The following DYNC2H1 variants were observed in gnomAD, a reference collection of about 807,000 sequenced individuals.
DYNC2H1 encodes the protein dynein cytoplasmic 2 heavy chain 1, also known as cytoplasmic dynein 2 heavy chain 1.
DYNC2H1 carries 410 observed loss-of-function variants against 570.0 expected under a neutral mutation model. The ratio of observed to expected loss-of-function variants is 0.72; its 90% CI spans 0.66 to 0.78. DYNC2H1 has a LOEUF of 0.78. Among genes scored for constraint, DYNC2H1 ranks in the 30% least tolerant of loss-of-function variants. DYNC2H1 has a pLI of 0.00. For synonymous variants in DYNC2H1, 1,688 were observed against 1,677.6 expected, an observed-to-expected ratio of 1.01 and a Z score of -0.15; for missense variants, 4,865 against 5,046.4, an observed-to-expected ratio of 0.96 and a Z score of 1.09.
intron 12 of DYNC2H1, among the ~76,000 whole-genome samples, chr11:103,128,370 A>G (rs1007654625): frequency 2.0e-5 from 3 of 152,184 alleles, no homozygotes; most frequent in Non-Finnish European, 4.4e-5. Context: ...CCTTGCCAAG[A>G]GAGGAGAGTG....
At position 103,234,016 on chromosome 11, in the gene DYNC2H1, AT is replaced by A. The variant is rs1346426915; in HGVS notation, c.9441-14del. On this transcript the variant is annotated splice_polypyrimidine_tract_variant and intron_variant, in intron 60 of 88. Transcript: ENST00000375735. ...CCAAATCCTTTTTGCTTTTAATTAA[AT>A]TTTAATGTTTACATAGATTTCAGAG... The A allele has an allele frequency of 6.5e-7, 1 of 1,543,944 alleles. No homozygotes were observed.
At chr11:103,451,477 C>T (rs1198512300) in intron 85 of DYNC2H1, among the ~76,000 whole-genome samples, 2 of 151,766 alleles carry the variant, frequency 1.3e-5, no homozygotes, top group African/African-American at 2.4e-5. Flanking sequence ...GGGCTACAGG[C>T]GCGTGCCACC....
At chr11:103,208,040 A>C (rs1174656391) in intron 52 of DYNC2H1, among the ~76,000 whole-genome samples, 1 of 152,086 alleles carries the variant, frequency 6.6e-6, no homozygotes, top group African/African-American at 2.4e-5. Context: ...CTGGGAAGAC[A>C]GGAATATAGT....
chr11:103,328,950 G>A (rs368294744), intron 82 of DYNC2H1, among the ~76,000 whole-genome samples: 35 of 152,220 alleles, frequency 2.3e-4, no homozygotes, highest in African/African-American at 6.5e-4. Context: ...ATGTTAGTTC[G>A]AATTGCCCAT....
At chr11:103,131,363 G>C (rs916934736) in intron 13 of DYNC2H1, among the ~76,000 whole-genome samples, 1 of 151,694 alleles carries the variant, frequency 6.6e-6, no homozygotes, top group African/African-American at 2.4e-5. Context: ...TCGCAATCTC[G>C]GCTCACTGCA....
chr11:103,114,507 A>G (rs1240251184), intron 3 of DYNC2H1, among the ~76,000 whole-genome samples: 1 of 152,120 alleles, frequency 6.6e-6, no homozygotes, highest in Non-Finnish European at 1.5e-5. Context: ...TCTTGTAGAG[A>G]TGGGGTCTTG....
chr11:103,194,826 T>C (rs1367572649), intron 47 of DYNC2H1, among the ~76,000 whole-genome samples: 2 of 152,196 alleles, frequency 1.3e-5, no homozygotes. Context: ...CAAGTGATTC[T>C]TCTGCCTCAG....
chr11:103,167,993 A>C (rs1861400985), intron 31 of DYNC2H1, among the ~76,000 whole-genome samples: 1 of 152,152 alleles, frequency 6.6e-6, no homozygotes, highest in Non-Finnish European at 1.5e-5. Context: ...TTCCTAAAGA[A>C]GTTTATGGGG....
intron 83 of DYNC2H1, among the ~76,000 whole-genome samples, chr11:103,386,471 A>G (rs1360450923): frequency 7.4e-6 from 1 of 134,806 alleles, no homozygotes; most frequent in South Asian, 2.4e-4. Flanking sequence ...CACACACAAA[A>G]GTATTTTGGG....
chr11:103,169,337 A>T (rs1350890913), intron 32 of DYNC2H1, among the ~76,000 whole-genome samples: 1 of 152,184 alleles, frequency 6.6e-6, no homozygotes, highest in African/African-American at 2.4e-5. Flanking sequence ...TAAATATGCT[A>T]AAATGTTTGC....
intron 88 of DYNC2H1, among the ~76,000 whole-genome samples, chr11:103,476,896 A>C (rs1297971678): frequency 1.3e-5 from 2 of 152,186 alleles, no homozygotes; most frequent in African/African-American, 4.8e-5. Context: ...CATTTAAGAG[A>C]TGTAGTAGCT....
chr11:103,413,628 T>TATC (rs775217470), intron 84 of DYNC2H1, among the ~76,000 whole-genome samples: 12 of 152,312 alleles, frequency 7.9e-5, no homozygotes, highest in Non-Finnish European at 1.6e-4. Context: ...AAGATGCAGT[T>TATC]ATCAGCTTTG....
rs17302099 is a variant in DYNC2H1, at chr11:103,181,471, T to G, written c.6348-286T>G. On this transcript the variant is annotated intron_variant, in intron 39 of 88. Coordinates refer to ENST00000375735, the MANE Select transcript of DYNC2H1 (RefSeq NM_001377.3). This position sits in a 1 kb window ranked among gnomAD's most constrained non-coding sequence, Gnocchi z 5.0. ...AGATATATAATTCTCGTTTAGTTTA[T>G]ATTTATAATAAAATAGATGAAATGT... Among the ~76,000 whole-genome samples, 13,392 of 151,558 alleles carry G rather than the reference T, an allele frequency of 0.088. 786 individuals are homozygous for G. The highest frequency in any genetic ancestry group is 0.12 in the Non-Finnish European group (8,082 of 67,570).
Position 103,177,760 on chromosome 11 carries a change from A to T in DYNC2H1, c.6079A>T (p.Arg2027Ter). The change falls in exon 38 of 89, where the codon AGA becomes TGA. Residue 2027 changes from arginine (R) to a stop codon, truncating the protein, a stop_gained. Transcript: ENST00000375735. LOFTEE classifies it high-confidence loss of function. This position sits in a 1 kb window ranked among gnomAD's most constrained non-coding sequence, Gnocchi z 4.4. ...ATTAGGCCATATTGACATGGACACA[A>T]GAGAATGGTCTGATGGTGTTTTGAC... is the stretch of plus-strand genomic sequence containing the variant. ...QLLGHIDMDT[R>*]EWSDGVLTNS... The T allele has an allele frequency of 6.2e-7, 1 of 1,613,332 alleles. No homozygotes were observed. Among genetic ancestry groups the T allele is most frequent in the Non-Finnish European group, 8.5e-7 (1 of 1,179,594 alleles).
rs61565760 is a variant in DYNC2H1, at chr11:103,446,037, T to TTTGTTG, written c.12457-9122_12457-9117dup. On this transcript the variant is annotated intron_variant, in intron 85 of 88. Coordinates refer to ENST00000375735, the MANE Select transcript of DYNC2H1 (RefSeq NM_001377.3). This position sits in a 1 kb window ranked among gnomAD's most constrained non-coding sequence, Gnocchi z 4.5. ...TGACAATATGGTAATAGAGCAGAGT[T>TTTGTTG]TTGTTGTTGTTGTTGTTGTTGTTGT... 9.9e-3 allele frequency among the ~76,000 whole-genome samples: 1,495 copies of TTTGTTG among 150,568 alleles called. 20 individuals carry two copies. Among genetic ancestry groups the TTTGTTG allele is most frequent in the Middle Eastern group, 0.031 (9 of 292 alleles).
At chr11:103,337,149 G>T (rs1939180794) in intron 82 of DYNC2H1, among the ~76,000 whole-genome samples, 1 of 152,204 alleles carries the variant, frequency 6.6e-6, no homozygotes, top group Non-Finnish European at 1.5e-5. Context: ...TTCTGCTGCA[G>T]ATAACTAGCC....
chr11:103,241,579 C>T lies in DYNC2H1; in HGVS notation c.9820-2114C>T. 1.3e-6 allele frequency: 2 copies of T among 1,534,280 alleles called. No individual in the cohort carries two copies. Among genetic ancestry groups the T allele is most frequent in the East Asian group, 2.3e-5 (1 of 43,654 alleles). ...ACTTTTTAAAAATTTAAAATAATTACTTTTGTAGTTAGGCAAAATGCAGAA... is the reference window on the plus strand; with the variant it reads ...ACTTTTTAAAAATTTAAAATAATTATTTTTGTAGTTAGGCAAAATGCAGAA... On this transcript the variant is annotated intron_variant, in intron 63 of 88. Transcript: ENST00000375735. The surrounding 1 kb of genome is among the most constrained non-coding windows in gnomAD (Gnocchi z 5.1).
intron 1 of DYNC2H1, among the ~76,000 whole-genome samples, chr11:103,111,067 C>T (rs574417366): frequency 7.7e-4 from 117 of 152,282 alleles, no homozygotes; most frequent in Admixed American, 1.5e-3. Context: ...CTCAGGTGAT[C>T]CACCCGCCTT....
Position 103,312,380 on chromosome 11 carries a change from CA to C in DYNC2H1, c.11649+369del, listed in dbSNP as rs775259300. On this transcript the variant is annotated intron_variant, in intron 79 of 88. Coordinates refer to ENST00000375735, the MANE Select transcript of DYNC2H1 (RefSeq NM_001377.3). ...GGGCAACAAGAGCAAAACTCCATCTCAAAAAAAAAAAAAAAAAAAAAAGTAG... is the reference window on the plus strand; with the variant it reads ...GGGCAACAAGAGCAAAACTCCATCTCAAAAAAAAAAAAAAAAAAAAAGTAG... Among the ~76,000 whole-genome samples the C allele has an allele frequency of 7.8e-3, 377 of 48,116 alleles. 2 individuals carry two copies. Among genetic ancestry groups the C allele is most frequent in the African/African-American group, 0.028 (303 of 10,892 alleles). 31.6% of individuals were successfully genotyped at this position (48,116 alleles called of 152,430 possible).
Sources: gnomAD v4.1 joint callset for allele counts (sites outside exome capture counted in the v4.1 genomes callset) on GRCh38, gnomAD v4.1.1 for gene constraint, Gnocchi (gnomAD v3.1) non-coding constraint, MANE v1.5 for transcripts, NCBI Gene and HGNC (gene_info 2026-07-23, HGNC 2026-07-21) for gene names.